The following WWP1 variants were observed in gnomAD, a reference collection of about 807,000 sequenced individuals.
The protein encoded by WWP1 is WW domain containing E3 ubiquitin protein ligase 1, also known as NEDD4-like E3 ubiquitin-protein ligase WWP1.
In WWP1, 49 loss-of-function variants were observed where a neutral mutation model predicts 130.6. That is an observed-to-expected ratio of 0.38 (90% CI 0.30 to 0.48). WWP1 has a LOEUF of 0.48. Ranked by LOEUF, WWP1 falls within the 20% of genes least tolerant of loss-of-function variation. WWP1 has a pLI of 0.99. For missense variants in WWP1, 809 were observed against 1,100.6 expected (o/e 0.74, Z 3.75); for synonymous variants, 332 against 367.8 (o/e 0.90, Z 1.11).
At position 86,342,897 on chromosome 8, in the gene WWP1, G is replaced by A; in HGVS notation, c.-148G>A. 3.0e-6 allele frequency: 1 copy of A among 338,622 alleles called. No individual in the cohort carries two copies. Among genetic ancestry groups the A allele is most frequent in the Non-Finnish European group, 5.3e-6 (1 of 188,428 alleles). The allele number at this position is 338,622 out of a possible 1,614,324, so 21.0% of individuals were successfully genotyped here. ...AGGAGGAGGTGCCGCTGCCGTGGCC[G>A]CCCGGCTGCCGGGAGCCGACAGCTT... On this transcript the variant is annotated 5_prime_UTR_variant, in exon 1 of 25. Coordinates refer to ENST00000517970, the MANE Select transcript of WWP1 (RefSeq NM_007013.4).
intron 9 of WWP1, among the ~76,000 whole-genome samples, chr8:86,422,529 T>G (rs928250622): frequency 1.4e-4 from 20 of 146,566 alleles, no homozygotes; most frequent in Admixed American, 4.1e-4. Context: ...GGCTGGCTAA[T>G]TTTTTTTTTT....
intron 1 of WWP1, among the ~76,000 whole-genome samples, chr8:86,354,085 C>T (rs943122533): frequency 6.6e-6 from 1 of 152,180 alleles, no homozygotes; most frequent in African/African-American, 2.4e-5. Flanking sequence ...TGTTGGCACC[C>T]ATGGGCTGAG....
chr8:86,352,198 C>T (rs550777859), intron 1 of WWP1, among the ~76,000 whole-genome samples: 16 of 149,158 alleles, frequency 1.1e-4, no homozygotes, highest in East Asian at 6.0e-4. Context: ...GTGTGTGCCG[C>T]GACACCTAGC....
intron 1 of WWP1, among the ~76,000 whole-genome samples, chr8:86,355,451 T>A (rs1046810393): frequency 6.6e-6 from 1 of 152,188 alleles, no homozygotes. Flanking sequence ...TATTAAAAAT[T>A]TTTGAATTTT....
chr8:86,351,624 C>G (rs1273753999), intron 1 of WWP1, among the ~76,000 whole-genome samples: 3 of 151,868 alleles, frequency 2.0e-5, no homozygotes, highest in Non-Finnish European at 4.4e-5. Flanking sequence ...GCCACCAGGC[C>G]TGGCCAAATA....
chr8:86,448,593 C>A, intron 20 of WWP1, 80 bp downstream of exon 20: 1 of 1,345,198 alleles, frequency 7.4e-7, no homozygotes, highest in Non-Finnish European at 1.0e-6. Flanking sequence ...TAATTTCATC[C>A]CCTTTTCATG....
At chr8:86,459,023 CTTTTTTTTTTTTTT>C (rs71275853) in intron 22 of WWP1, among the ~76,000 whole-genome samples, 7,810 of 85,046 alleles carry the variant, frequency 0.092, 351 homozygotes, top group Non-Finnish European at 0.12. Context: ...TTTCTTTTTT[CTTTTTTTTTTTTTT>C]TTTTTTTTTT....
intron 9 of WWP1, among the ~76,000 whole-genome samples, chr8:86,417,432 G>A (rs1306369409): frequency 6.6e-6 from 1 of 152,116 alleles, no homozygotes; most frequent in African/African-American, 2.4e-5. Context: ...TAGAAAATTA[G>A]AAATAAGATA....
intron 18 of WWP1, among the ~76,000 whole-genome samples, chr8:86,447,576 T>G (rs1365638920): frequency 6.6e-6 from 1 of 152,144 alleles, no homozygotes; most frequent in Non-Finnish European, 1.5e-5. Flanking sequence ...TTGAAGGTAG[T>G]TATTTTAATG....
intron 8 of WWP1, among the ~76,000 whole-genome samples, chr8:86,403,575 G>A (rs145818872): frequency 2.0e-5 from 3 of 152,208 alleles, no homozygotes; most frequent in East Asian, 1.9e-4. Context: ...GATTACAGGC[G>A]TGAGCCACCG....
intron 8 of WWP1, among the ~76,000 whole-genome samples, chr8:86,402,773 A>T (rs1808066151): frequency 6.6e-6 from 1 of 152,236 alleles, no homozygotes; most frequent in African/African-American, 2.4e-5. Flanking sequence ...AAGCTTTGCC[A>T]CAAAAAATAC....
At chr8:86,431,984 T>C (rs541929550) in intron 14 of WWP1, among the ~76,000 whole-genome samples, 196 of 152,342 alleles carry the variant, frequency 1.3e-3, no homozygotes, top group African/African-American at 4.5e-3. Context: ...AGGTATTAAC[T>C]CATTTTATCT....
At chr8:86,343,797 A>G (rs890847101) in intron 1 of WWP1, among the ~76,000 whole-genome samples, 13 of 152,016 alleles carry the variant, frequency 8.6e-5, no homozygotes, top group South Asian at 2.1e-4. Flanking sequence ...AAGTTTAACA[A>G]ATTTTTTTCT....
At chr8:86,365,207 T>C (rs1197819231) in intron 1 of WWP1, among the ~76,000 whole-genome samples, 2 of 152,204 alleles carry the variant, frequency 1.3e-5, no homozygotes, top group East Asian at 3.9e-4. Context: ...AAGAATTGGG[T>C]ATTCATACTA....
At chr8:86,435,314 A>C (rs1810229578) in intron 14 of WWP1, 138 bp from the exon 15 acceptor site, 2 of 810,526 alleles carry the variant, frequency 2.5e-6, no homozygotes, top group South Asian at 3.5e-5. Flanking sequence ...TTGGCCCACC[A>C]TGTATGTATA....
intron 21 of WWP1, 41 bp downstream of exon 21, chr8:86,452,720 G>A (rs372062503): frequency 6.2e-7 from 1 of 1,604,028 alleles, no homozygotes; most frequent in Admixed American, 1.7e-5. Context: ...AATGTTAGTG[G>A]GGGGAGGGAC....
chr8:86,456,597 T>C (rs1811457974), intron 21 of WWP1, among the ~76,000 whole-genome samples: 1 of 152,070 alleles, frequency 6.6e-6, no homozygotes, highest in East Asian at 1.9e-4. Flanking sequence ...GTTCTACTGT[T>C]AGGTGTTTAT....
chr8:86,409,174 T>C (rs1473204597), intron 8 of WWP1, among the ~76,000 whole-genome samples: 1 of 151,806 alleles, frequency 6.6e-6, no homozygotes, highest in Non-Finnish European at 1.5e-5. Context: ...TTGGTAATTG[T>C]GATCTTCCTT....
chr8:86,462,191 C>T (rs931075478), intron 24 of WWP1, among the ~76,000 whole-genome samples: 3 of 152,062 alleles, frequency 2.0e-5, no homozygotes, highest in Non-Finnish European at 4.4e-5. Context: ...CTGGGAAGTC[C>T]TTCGAAGGGA....
Sources: allele counts gnomAD v4.1 joint callset (sites outside exome capture counted in the v4.1 genomes callset), GRCh38; gene constraint gnomAD v4.1.1; transcripts MANE v1.5; gene names NCBI Gene and HGNC (gene_info 2026-07-23, HGNC 2026-07-21).